ASTN2: variants seen among roughly 807,000 people sequenced by gnomAD.
ASTN2 encodes the protein astrotactin-2.
A neutral mutation model predicts 139.8 loss-of-function variants in ASTN2; 54 were observed. That is an observed-to-expected ratio of 0.39 (90% CI 0.31 to 0.48). The LOEUF (loss-of-function observed/expected upper bound fraction) is 0.48, where lower values mean the gene tolerates loss of function less well. ASTN2 is among the 20% of genes least tolerant of loss of function. The pLI, the probability that ASTN2 is intolerant of heterozygous loss-of-function variation, is 0.95. For missense variants in ASTN2, 1,565 were observed against 1,725.1 expected (o/e 0.91, Z 1.64); for synonymous variants, 756 against 719.5 (o/e 1.05, Z -0.81).
chr9:116,885,075 C>T (rs1341895597), intron 10 of ASTN2, among the ~76,000 whole-genome samples: 1 of 152,064 alleles, frequency 6.6e-6, no homozygotes. Flanking sequence ...CACATTTAAC[C>T]TTAATTGCCT....
chr9:116,917,515 T>C (rs1410192615), intron 10 of ASTN2, among the ~76,000 whole-genome samples: 1 of 152,146 alleles, frequency 6.6e-6, no homozygotes, highest in Non-Finnish European at 1.5e-5. Flanking sequence ...CTGGAGACAA[T>C]AGAATTTCTG....
intron 3 of ASTN2, among the ~76,000 whole-genome samples, chr9:117,150,900 A>C (rs1303976309): frequency 6.6e-6 from 1 of 152,058 alleles, no homozygotes; most frequent in South Asian, 2.1e-4. Context: ...ATTGGGCCTC[A>C]CTATATTGCC....
chr9:116,565,417 A>T (rs1244116761), intron 19 of ASTN2, among the ~76,000 whole-genome samples: 4 of 107,188 alleles, frequency 3.7e-5, no homozygotes, highest in African/African-American at 3.9e-5. Flanking sequence ...ATATATATAT[A>T]TATATATATA....
intron 1 of ASTN2, among the ~76,000 whole-genome samples, chr9:117,304,235 T>C (rs910212602): frequency 9.9e-5 from 15 of 152,180 alleles, no homozygotes; most frequent in African/African-American, 3.4e-4. Flanking sequence ...TACACAGCAA[T>C]AGCTAACTGG....
At chr9:116,789,696 T>C (rs1346282503) in intron 13 of ASTN2, among the ~76,000 whole-genome samples, 1 of 152,224 alleles carries the variant, frequency 6.6e-6, no homozygotes, top group Admixed American at 6.5e-5. Flanking sequence ...GGCTTATTAA[T>C]GTGACCTTAG....
chr9:116,535,755 G>T lies in ASTN2; in HGVS notation c.3356-48255C>A, dbSNP rs576862610. ...TAATCTGATGGGCTTCCCTTTGTTGGTAACCCGACCTTTCTCTCTGGCTGC... is the reference window on the plus strand; with the variant it reads ...TAATCTGATGGGCTTCCCTTTGTTGTTAACCCGACCTTTCTCTCTGGCTGC... On this transcript the variant is annotated intron_variant, in intron 19 of 22. Coordinates refer to ENST00000313400, the MANE Select transcript of ASTN2 (RefSeq NM_001365068.1). 5.9e-5 allele frequency among the ~76,000 whole-genome samples: 9 copies of T among 152,000 alleles called. No homozygotes were observed. The South Asian group carries it at 1.9e-3, about 32-fold the overall frequency.
At chr9:117,114,526 C>A (rs28577946) in intron 4 of ASTN2, among the ~76,000 whole-genome samples, 1,538 of 152,270 alleles carry the variant, frequency 0.01, 29 homozygotes, top group African/African-American at 0.035. Context: ...ATATATCAAT[C>A]ATGGAATAGC....
At chr9:116,875,400 G>T (rs1254994838) in intron 10 of ASTN2, among the ~76,000 whole-genome samples, 2 of 152,202 alleles carry the variant, frequency 1.3e-5, no homozygotes, top group African/African-American at 4.8e-5. Context: ...AGAGAGGTGA[G>T]GAAGCTGTGG....
chr9:116,488,761 G>A (rs1015036321), intron 19 of ASTN2, among the ~76,000 whole-genome samples: 2 of 152,170 alleles, frequency 1.3e-5, no homozygotes, highest in Non-Finnish European at 2.9e-5. Context: ...AAGGTGGACT[G>A]TCTGGAGAGT....
intron 19 of ASTN2, among the ~76,000 whole-genome samples, chr9:116,603,890 C>G (rs1011313803): frequency 6.6e-6 from 1 of 152,134 alleles, no homozygotes; most frequent in Non-Finnish European, 1.5e-5. Context: ...GATCTCCAGG[C>G]GAGGGGTTGA....
chr9:117,022,791 T>C (rs1837925342), intron 6 of ASTN2, among the ~76,000 whole-genome samples: 1 of 152,092 alleles, frequency 6.6e-6, no homozygotes, highest in South Asian at 2.1e-4. Context: ...ATGTGCTGGC[T>C]GCAAGAGTGC....
At chr9:116,684,339 T>C (rs1486452575) in intron 16 of ASTN2, among the ~76,000 whole-genome samples, 2 of 152,226 alleles carry the variant, frequency 1.3e-5, no homozygotes, top group African/African-American at 4.8e-5. Flanking sequence ...GATTTGTTTT[T>C]AATAAAAATG....
At position 117,016,128 on chromosome 9, in the gene ASTN2, C is replaced by G. The variant is rs541032193; in HGVS notation, c.1424-7869G>C. ...TTTTACTTCTTTGGGGATGTTATGT[C>G]CTTATTGAGAATGTATGTTATAATC... On this transcript the variant is annotated intron_variant, in intron 6 of 22. Transcript: ENST00000313400. 5.9e-5 allele frequency among the ~76,000 whole-genome samples: 9 copies of G among 152,106 alleles called. No individual in the cohort carries two copies. The East Asian group carries it at 1.7e-3, about 30-fold the overall frequency.
intron 4 of ASTN2, among the ~76,000 whole-genome samples, chr9:117,098,826 G>A (rs1327134375): frequency 2.6e-5 from 4 of 151,658 alleles, no homozygotes; most frequent in African/African-American, 9.7e-5. Flanking sequence ...AAGGGAGAAG[G>A]GCTGGGCATG....
intron 1 of ASTN2, among the ~76,000 whole-genome samples, chr9:117,295,041 G>C (rs1482050887): frequency 1.3e-5 from 2 of 152,146 alleles, no homozygotes; most frequent in Non-Finnish European, 2.9e-5. Flanking sequence ...AGAAATTCAG[G>C]CTGGGTGCAG....
chr9:116,773,634 C>T lies in ASTN2; in HGVS notation c.2396+31998G>A, dbSNP rs538047895. Among the ~76,000 whole-genome samples, 13 of 152,242 alleles carry T rather than the reference C, an allele frequency of 8.5e-5. No individual in the cohort carries two copies. The East Asian group carries it at 1.5e-3, about 18-fold the overall frequency. ...TGAATATACCACATACTGAGCAACA[C>T]GAAATTATTAATACACATATTATCT... is the stretch of plus-strand genomic sequence containing the variant. On this transcript the variant is annotated intron_variant, in intron 13 of 22. Transcript: ENST00000313400.
intron 13 of ASTN2, among the ~76,000 whole-genome samples, chr9:116,767,457 A>G (rs1217689569): frequency 6.6e-6 from 1 of 152,198 alleles, no homozygotes; most frequent in Non-Finnish European, 1.5e-5. Flanking sequence ...TCTGTTCTCT[A>G]GGCGTATGCA....
At chr9:116,758,023 A>G (rs1212734863) in intron 13 of ASTN2, among the ~76,000 whole-genome samples, 1 of 152,186 alleles carries the variant, frequency 6.6e-6, no homozygotes, top group East Asian at 1.9e-4. Flanking sequence ...ACTGAATGCC[A>G]TTACTAGAAG....
chr9:116,928,228 C>T (rs1375683679), intron 10 of ASTN2, among the ~76,000 whole-genome samples: 1 of 152,166 alleles, frequency 6.6e-6, no homozygotes, highest in Non-Finnish European at 1.5e-5. Flanking sequence ...GTCTATTTTA[C>T]ACATGAAAAA....
Sources: allele counts gnomAD v4.1 joint callset (sites outside exome capture counted in the v4.1 genomes callset), GRCh38; gene constraint gnomAD v4.1.1; transcripts MANE v1.5; gene names NCBI Gene and HGNC (gene_info 2026-07-23, HGNC 2026-07-21).